The following FAM53B variants were observed in gnomAD, a reference collection of about 807,000 sequenced individuals.
FAM53B encodes the protein protein FAM53B.
Under a neutral mutation model 32.7 loss-of-function variants are expected in FAM53B, and 12 were observed. The ratio of observed to expected loss-of-function variants is 0.37; its 90% CI spans 0.24 to 0.59. The LOEUF (loss-of-function observed/expected upper bound fraction) is 0.59. Ranked by LOEUF, FAM53B falls within the 20% of genes least tolerant of loss-of-function variation. FAM53B has a pLI of 0.72. For missense variants in FAM53B, 477 were observed against 577.7 expected, an observed-to-expected ratio of 0.83 and a Z score of 1.79; for synonymous variants, 234 against 228.7, an observed-to-expected ratio of 1.02 and a Z score of -0.21.
chr10:124,642,627 C>T (rs1212123212), intron 4 of FAM53B, among the ~76,000 whole-genome samples: 3 of 152,202 alleles, frequency 2.0e-5, no homozygotes, highest in African/African-American at 4.8e-5. Context: ...CTGAAATCCC[C>T]GTGAGTCAGG....
At chr10:124,714,475 C>T (rs1950026121) in intron 1 of FAM53B, among the ~76,000 whole-genome samples, 3 of 152,228 alleles carry the variant, frequency 2.0e-5, no homozygotes, top group African/African-American at 4.8e-5. Context: ...CAAAGAAAAC[C>T]TCTTGCCGGG....
chr10:124,705,447 C>A (rs1242858281), intron 2 of FAM53B: 1 of 152,318 alleles, frequency 6.6e-6, no homozygotes, highest in African/African-American at 2.4e-5. Context: ...TATCCCTGCT[C>A]CGCAAGGCTT....
chr10:124,632,761 G>A (rs1016684941), intron 4 of FAM53B, among the ~76,000 whole-genome samples: 1 of 152,238 alleles, frequency 6.6e-6, no homozygotes, highest in Non-Finnish European at 1.5e-5. Context: ...CAGAGGCCGA[G>A]TGAGGAGAAG....
At chr10:124,676,764 C>G (rs1244870724) in intron 4 of FAM53B, among the ~76,000 whole-genome samples, 1 of 152,174 alleles carries the variant, frequency 6.6e-6, no homozygotes, top group African/African-American at 2.4e-5. Context: ...CCTGGACTCA[C>G]CCCCAGGAAT....
intron 1 of FAM53B, among the ~76,000 whole-genome samples, chr10:124,739,082 T>C (rs1438615979): frequency 2.0e-5 from 3 of 148,010 alleles, no homozygotes; most frequent in Non-Finnish European, 4.5e-5. Context: ...CACACAGCCA[T>C]AGCAGAGGGG....
chr10:124,728,930 G>A (rs1950124108), intron 1 of FAM53B, among the ~76,000 whole-genome samples: 1 of 152,162 alleles, frequency 6.6e-6, no homozygotes, highest in Non-Finnish European at 1.5e-5. Flanking sequence ...GGAGCAGAGG[G>A]ACCTGGATTT....
intron 4 of FAM53B, among the ~76,000 whole-genome samples, chr10:124,638,858 G>A (rs1408784557): frequency 6.6e-6 from 1 of 152,228 alleles, no homozygotes; most frequent in Non-Finnish European, 1.5e-5. Flanking sequence ...ACATTCCTGG[G>A]CACATTCTGC....
chr10:124,628,477 T>G (rs1949369600), intron 4 of FAM53B, among the ~76,000 whole-genome samples: 1 of 152,194 alleles, frequency 6.6e-6, no homozygotes, highest in Non-Finnish European at 1.5e-5. Flanking sequence ...ACTCTGCAGC[T>G]GGAGGCACTG....
Position 124,622,908 on chromosome 10 carries a change from T to A in FAM53B, c.*334A>T, listed in dbSNP as rs1216479959. 3 of 221,350 alleles carry A rather than the reference T, an allele frequency of 1.4e-5. No individual in the cohort carries two copies. The highest frequency in any genetic ancestry group is 2.7e-5 in the Non-Finnish European group (3 of 111,888). 13.7% of individuals were successfully genotyped at this position (221,350 alleles called of 1,614,324 possible). On this transcript the variant is annotated 3_prime_UTR_variant, in exon 5 of 5. Transcript: ENST00000337318. ...AGGGGGATACAGAGCGGTGCCCAGC[T>A]CTGCCGGGGACAACAGAGACTGCCC...
chr10:124,693,906 C>T (rs190406251), intron 3 of FAM53B, among the ~76,000 whole-genome samples: 68 of 152,346 alleles, frequency 4.5e-4, no homozygotes, highest in Non-Finnish European at 8.5e-4. Context: ...GTGCCTGACA[C>T]ACAGCAGGTG....
At chr10:124,724,401 G>T (rs1411184792) in intron 1 of FAM53B, among the ~76,000 whole-genome samples, 22 of 152,190 alleles carry the variant, frequency 1.4e-4, no homozygotes, top group Non-Finnish European at 4.4e-5. Flanking sequence ...CCCTCACAAG[G>T]CCCAGGCAGG....
intron 4 of FAM53B, among the ~76,000 whole-genome samples, 175 bp downstream of exon 4, chr10:124,681,432 C>T (rs796834409): frequency 3.3e-5 from 5 of 152,310 alleles, no homozygotes; most frequent in African/African-American, 1.2e-4. Flanking sequence ...GAAATAAACG[C>T]TTTTTAAAAA....
intron 1 of FAM53B, among the ~76,000 whole-genome samples, chr10:124,726,252 T>C (rs1950102425): frequency 6.6e-6 from 1 of 152,220 alleles, no homozygotes; most frequent in Non-Finnish European, 1.5e-5. Context: ...GCAAAAGCCA[T>C]GAGGTCAGAA....
rs923907571 is a variant in FAM53B at position 124,622,042 on chromosome 10, G to A, written c.*1200C>T. The A allele has an allele frequency of 1.3e-5, 2 of 152,428 alleles. No homozygotes were observed. The highest frequency in any genetic ancestry group is 2.9e-5 in the Non-Finnish European group (2 of 68,086). 9.4% of individuals were successfully genotyped at this position (152,428 alleles called of 1,614,324 possible). A position where few individuals can be genotyped will look rare whatever the true frequency, so the allele number is the denominator to read the frequency against. On this transcript the variant is annotated 3_prime_UTR_variant, in exon 5 of 5. Coordinates refer to ENST00000337318, the MANE Select transcript of FAM53B (RefSeq NM_014661.4). The stretch of plus-strand genomic sequence containing the variant: ...CTCCTCGGATGCCCCAGGGTGAGGA[G>A]CCAGGGTGGGGTAGGGGCAGGGAGC...
chr10:124,740,079 A>G (rs1175673294), intron 1 of FAM53B, among the ~76,000 whole-genome samples: 3 of 152,234 alleles, frequency 2.0e-5, no homozygotes, highest in Non-Finnish European at 4.4e-5. Flanking sequence ...GCCTCCTCGC[A>G]TCACTCCAAG....
At chr10:124,638,693 T>C (rs769012221) in intron 4 of FAM53B, among the ~76,000 whole-genome samples, 7 of 152,180 alleles carry the variant, frequency 4.6e-5, no homozygotes, top group Non-Finnish European at 1.0e-4. Context: ...CCAGGCATGC[T>C]GGGGCGGGGG....
At chr10:124,657,081 TG>T (rs1297031438) in intron 4 of FAM53B, among the ~76,000 whole-genome samples, 1 of 124,886 alleles carries the variant, frequency 8.0e-6, no homozygotes, top group Non-Finnish European at 1.7e-5. Flanking sequence ...TGTATATATA[TG>T]TGTGTGTATA....
At chr10:124,689,073 C>G (rs1197206034) in intron 3 of FAM53B, among the ~76,000 whole-genome samples, 1 of 152,212 alleles carries the variant, frequency 6.6e-6, no homozygotes, top group East Asian at 1.9e-4. Context: ...CATTTCACAC[C>G]TATCTACTTG....
intron 1 of FAM53B, among the ~76,000 whole-genome samples, chr10:124,717,795 AG>A: frequency 6.6e-6 from 1 of 152,348 alleles, no homozygotes; most frequent in East Asian, 1.9e-4. Flanking sequence ...TTGGAGAGCC[AG>A]GAAGTTAGCC....
Sources: gnomAD v4.1 joint callset for allele counts (sites outside exome capture counted in the v4.1 genomes callset) on GRCh38, gnomAD v4.1.1 for gene constraint, MANE v1.5 for transcripts, NCBI Gene and HGNC (gene_info 2026-07-23, HGNC 2026-07-21) for gene names.